The following MAGI2 variants were observed in gnomAD, a reference collection of about 807,000 sequenced individuals.
MAGI2 encodes membrane-associated guanylate kinase, WW and PDZ domain-containing protein 2.
In MAGI2, 35 loss-of-function variants were observed where a neutral mutation model predicts 133.3. The ratio of observed to expected loss-of-function variants is 0.26; its 90% CI spans 0.20 to 0.35. The LOEUF (loss-of-function observed/expected upper bound fraction) is 0.35, where lower values mean the gene tolerates loss of function less well. Ranked by LOEUF, MAGI2 falls within the 10% of genes least tolerant of loss-of-function variation. The pLI is 1.00. For synonymous variants in MAGI2, 729 were observed against 710.6 expected (o/e 1.03, Z -0.41); for missense variants, 1,636 against 1,863.4 (o/e 0.88, Z 2.25).
intron 6 of MAGI2, among the ~76,000 whole-genome samples, chr7:78,440,986 C>T (rs73370260): frequency 0.032 from 4,862 of 152,098 alleles, 234 homozygotes; most frequent in African/African-American, 0.11. Flanking sequence ...GAGAGAAGTC[C>T]AAGCGGAAAT....
Position 78,117,488 on chromosome 7 carries a change from T to C in MAGI2, c.3567+8206A>G, listed in dbSNP as rs573057990. The stretch of plus-strand genomic sequence containing the variant: ...GACAAAATTCAACATCTACTCATAA[T>C]AAACTCTCCTAGCAAACTAGTAATA... On this transcript the variant is annotated intron_variant, in intron 20 of 21. Coordinates refer to ENST00000354212, the MANE Select transcript of MAGI2 (RefSeq NM_012301.4). Among the ~76,000 whole-genome samples, 36 of 152,084 alleles carry C rather than the reference T, an allele frequency of 2.4e-4. 1 individual carries two copies. The highest frequency in any genetic ancestry group is 4.0e-4 in the Non-Finnish European group (27 of 67,980).
chr7:78,658,119 G>A (rs1240850868), intron 2 of MAGI2, among the ~76,000 whole-genome samples: 1 of 152,034 alleles, frequency 6.6e-6, no homozygotes, highest in Non-Finnish European at 1.5e-5. Flanking sequence ...AACTCTTGGA[G>A]GTAATCTTTT....
intron 3 of MAGI2, among the ~76,000 whole-genome samples, chr7:78,581,140 G>A (rs1482499047): frequency 6.6e-6 from 1 of 152,130 alleles, no homozygotes; most frequent in African/African-American, 2.4e-5. Context: ...TACAACACTT[G>A]GTGAGTGCCA....
At chr7:78,548,118 A>G (rs56189730) in intron 3 of MAGI2, among the ~76,000 whole-genome samples, 58,523 of 151,932 alleles carry the variant, frequency 0.39, 12,052 homozygotes, top group Middle Eastern at 0.48. Flanking sequence ...TTGACCAACT[A>G]TCTAGTCAAA....
In MAGI2 at chr7:79,249,355, G is replaced by GT. The variant is rs199705494; in HGVS notation, c.301+203664dup. Reference sequence around the variant, plus strand: ...ATACAAAGGTCAGCAAAGTAAGTTTGTTTTTTGAAAAGATAAAATCAACAA... The same window carrying GT: ...ATACAAAGGTCAGCAAAGTAAGTTTGTTTTTTTGAAAAGATAAAATCAACAA... On this transcript the variant is annotated intron_variant, in intron 1 of 21. Coordinates refer to ENST00000354212, the MANE Select transcript of MAGI2 (RefSeq NM_012301.4). 5.6e-3 allele frequency among the ~76,000 whole-genome samples: 851 copies of GT among 151,822 alleles called. 6 individuals carry two copies. Among genetic ancestry groups the GT allele is most frequent in the African/African-American group, 0.02 (815 of 41,452 alleles).
chr7:78,497,754 A>ATCTGTCTGTCTG (rs1554442398), intron 5 of MAGI2, among the ~76,000 whole-genome samples: 2,272 of 104,480 alleles, frequency 0.022, 57 homozygotes, highest in East Asian at 0.078. Flanking sequence ...CTATCTATCT[A>ATCTGTCTGTCTG]TCTATCTATC....
chr7:78,641,913 A>C (rs1303775092), intron 2 of MAGI2, among the ~76,000 whole-genome samples: 1 of 152,158 alleles, frequency 6.6e-6, no homozygotes, highest in South Asian at 2.1e-4. Context: ...ATCTGTTCCT[A>C]TAAGTGAAGG....
chr7:79,298,356 T>C (rs569037492), intron 1 of MAGI2, among the ~76,000 whole-genome samples: 16 of 152,268 alleles, frequency 1.1e-4, no homozygotes, highest in African/African-American at 3.4e-4. Flanking sequence ...CAAGTGTCAC[T>C]TGGTGGCAGC....
At chr7:78,908,950 A>G (rs977934582) in intron 2 of MAGI2, among the ~76,000 whole-genome samples, 7 of 152,208 alleles carry the variant, frequency 4.6e-5, no homozygotes, top group Non-Finnish European at 7.3e-5. Flanking sequence ...AACAAAAGCC[A>G]TAATTGACAA....
chr7:78,323,051 C>T (rs1231039389), intron 9 of MAGI2, among the ~76,000 whole-genome samples: 2 of 105,318 alleles, frequency 1.9e-5, no homozygotes, highest in Non-Finnish European at 3.8e-5. Context: ...GAAATAAAAA[C>T]GTCTATGGAA....
intron 21 of MAGI2, among the ~76,000 whole-genome samples, chr7:78,046,529 A>G (rs1811453820): frequency 6.6e-6 from 1 of 152,212 alleles, no homozygotes; most frequent in South Asian, 2.1e-4. Context: ...TCTGCAAGCT[A>G]AAGATTTGAC....
chr7:78,458,228 G>T (rs977543598), intron 6 of MAGI2, among the ~76,000 whole-genome samples: 1 of 150,570 alleles, frequency 6.6e-6, no homozygotes, highest in Non-Finnish European at 1.5e-5. Flanking sequence ...CTAGGCAGTC[G>T]GAGGTTGCAG....
chr7:79,118,706 G>A (rs1328560187), intron 1 of MAGI2, among the ~76,000 whole-genome samples: 1 of 151,934 alleles, frequency 6.6e-6, no homozygotes, highest in Non-Finnish European at 1.5e-5. Flanking sequence ...CCTTTTCTTG[G>A]TTCCTTTCCT....
chr7:78,032,907 G>A (rs1240027795), intron 21 of MAGI2, among the ~76,000 whole-genome samples: 2 of 152,092 alleles, frequency 1.3e-5, no homozygotes, highest in Non-Finnish European at 2.9e-5. Flanking sequence ...AGGACTGGGA[G>A]GTAGAAGGAA....
At chr7:78,387,188 T>C (rs1266770986) in intron 6 of MAGI2, among the ~76,000 whole-genome samples, 3 of 152,206 alleles carry the variant, frequency 2.0e-5, no homozygotes, top group South Asian at 2.1e-4. Context: ...CAAGTGGAGA[T>C]GTAAAGACAG....
At chr7:78,912,582 G>T (rs1037232516) in intron 2 of MAGI2, among the ~76,000 whole-genome samples, 1 of 151,840 alleles carries the variant, frequency 6.6e-6, no homozygotes, top group Non-Finnish European at 1.5e-5. Flanking sequence ...TCCCATGCTG[G>T]ATGCTTCCTG....
chr7:78,121,688 A>C (rs1820491276), intron 20 of MAGI2, among the ~76,000 whole-genome samples: 1 of 152,216 alleles, frequency 6.6e-6, no homozygotes, highest in Non-Finnish European at 1.5e-5. Context: ...TGTGTTACTT[A>C]GGTAAGTTAA....
At chr7:79,146,961 CA>C (rs1292866383) in intron 1 of MAGI2, among the ~76,000 whole-genome samples, 12 of 152,192 alleles carry the variant, frequency 7.9e-5, no homozygotes, top group Non-Finnish European at 1.5e-5. Context: ...TTACCCGAAG[CA>C]AGAGTCTCTT....
intron 17 of MAGI2, 60 bp downstream of exon 17, chr7:78,134,961 C>T: frequency 2.0e-6 from 3 of 1,495,002 alleles, no homozygotes; most frequent in Non-Finnish European, 2.8e-6. Flanking sequence ...AGGCTGAGAA[C>T]ACCCGGTGAG....
Sources: allele counts gnomAD v4.1 joint callset (sites outside exome capture counted in the v4.1 genomes callset), GRCh38; gene constraint gnomAD v4.1.1; transcripts MANE v1.5; gene names NCBI Gene and HGNC (gene_info 2026-07-23, HGNC 2026-07-21).